STK38: variants seen among roughly 807,000 people sequenced by gnomAD.
STK38 encodes the protein serine/threonine kinase 38.
STK38 carries 26 observed loss-of-function variants against 59.0 expected under a neutral mutation model. The ratio of observed to expected loss-of-function variants is 0.44; its 90% CI spans 0.32 to 0.61. STK38 has a LOEUF of 0.61. STK38 is among the 20% of genes least tolerant of loss of function. The pLI, the probability that STK38 is intolerant of heterozygous loss-of-function variation, is 0.04. For synonymous variants in STK38, 175 were observed against 176.6 expected (o/e 0.99, Z 0.07); for missense variants, 433 against 566.0 (o/e 0.76, Z 2.38).
chr6:36,498,887 G>A (rs188242134), intron 10 of STK38, among the ~76,000 whole-genome samples: 216 of 152,068 alleles, frequency 1.4e-3, no homozygotes, highest in African/African-American at 4.9e-3. Context: ...CACTGTGCCC[G>A]GCCTGATTCT....
chr6:36,527,509 C>T (rs1407737019), intron 2 of STK38, among the ~76,000 whole-genome samples: 1 of 151,196 alleles, frequency 6.6e-6, no homozygotes, highest in East Asian at 1.9e-4. Context: ...GGCGAGAGCA[C>T]ACCAGTGCAC....
intron 1 of STK38, among the ~76,000 whole-genome samples, chr6:36,545,980 C>A (rs571735731): frequency 9.2e-5 from 14 of 152,204 alleles, no homozygotes; most frequent in African/African-American, 3.4e-4. Context: ...TATAAACAAC[C>A]CTCTCTCAAC....
At chr6:36,532,841 G>A (rs1410711797) in intron 2 of STK38, among the ~76,000 whole-genome samples, 1 of 152,084 alleles carries the variant, frequency 6.6e-6, no homozygotes, top group African/African-American at 2.4e-5. Context: ...AGCAACTGCA[G>A]TGAGCCGAGA....
intron 7 of STK38, 84 bp downstream of exon 7, chr6:36,515,254 G>A (rs1777221041): frequency 1.3e-6 from 2 of 1,485,398 alleles, no homozygotes; most frequent in African/African-American, 2.9e-5. Context: ...CGCCCACTGG[G>A]ATGACCACAG....
chr6:36,511,832 G>A (rs1408107503), intron 7 of STK38, among the ~76,000 whole-genome samples: 2 of 151,812 alleles, frequency 1.3e-5, no homozygotes, highest in African/African-American at 4.8e-5. Context: ...GCCGAGGCAG[G>A]TGGATCACCT....
At chr6:36,535,264 C>A (rs1166956136) in intron 2 of STK38, among the ~76,000 whole-genome samples, 1 of 152,064 alleles carries the variant, frequency 6.6e-6, no homozygotes, top group Non-Finnish European at 1.5e-5. Flanking sequence ...GCCTGCCCAA[C>A]ATGGTGAAAC....
chr6:36,515,559 A>C, intron 6 of STK38, 67 bp from the exon 7 acceptor site: 1 of 1,544,496 alleles, frequency 6.5e-7, no homozygotes. Context: ...CACACACAAC[A>C]TACGAGTGAG....
At chr6:36,525,519 G>T in intron 3 of STK38, 72 bp downstream of exon 3, 1 of 1,415,932 alleles carries the variant, frequency 7.1e-7, no homozygotes, top group Non-Finnish European at 9.9e-7. Flanking sequence ...GTGTACCAAG[G>T]CTAACAACTC....
Position 36,527,207 on chromosome 6 carries a change from A to AAAAT in STK38, c.132-1566_132-1565insATTT, listed in dbSNP as rs60162863. ...ACTCCGTCTCAAAAAAAAAAAAAAAAATATATGTATATATATATATATTTA... is the reference window on the plus strand; with the variant it reads ...ACTCCGTCTCAAAAAAAAAAAAAAAAAAATATATATGTATATATATATATATTTA... On this transcript the variant is annotated intron_variant, in intron 2 of 13. Coordinates refer to ENST00000229812, the MANE Select transcript of STK38 (RefSeq NM_007271.4). 2.7e-3 allele frequency among the ~76,000 whole-genome samples: 321 copies of AAAAT among 119,340 alleles called. 8 individuals are homozygous for AAAAT. The highest frequency in any genetic ancestry group is 9.8e-3 in the African/African-American group (281 of 28,580). 78.3% of individuals were successfully genotyped at this position (119,340 alleles called of 152,430 possible). A position where few individuals can be genotyped will look rare whatever the true frequency, so the allele number is the denominator to read the frequency against.
chr6:36,521,725 G>A lies in STK38; in HGVS notation c.390+9C>T. ...ATAAGCTAAAAGCACTGCTACAACT[G>A]TGCTTTACCTGCTCTTTTTCAAGCA... is the stretch of plus-strand genomic sequence containing the variant. On this transcript the variant is annotated intron_variant, in intron 5 of 13. Coordinates refer to ENST00000229812, the MANE Select transcript of STK38 (RefSeq NM_007271.4). 1.2e-6 allele frequency: 2 copies of A among 1,604,448 alleles called. No homozygotes were observed. The highest frequency in any genetic ancestry group is 2.3e-5 in the East Asian group (1 of 44,382).
At chr6:36,528,776 T>C (rs976205781) in intron 2 of STK38, among the ~76,000 whole-genome samples, 1 of 152,202 alleles carries the variant, frequency 6.6e-6, no homozygotes, top group Non-Finnish European at 1.5e-5. Flanking sequence ...CTAAACACCA[T>C]CATACGTCCT....
rs1414330921 is a variant in STK38 at position 36,494,780 on chromosome 6, A to G, written c.*1004T>C. The G allele has an allele frequency of 6.6e-6, 1 of 152,518 alleles. No individual in the cohort carries two copies. The highest frequency in any genetic ancestry group is 1.5e-5 in the Non-Finnish European group (1 of 68,074). The allele number at this position is 152,518 out of a possible 1,614,324, so 9.4% of individuals were successfully genotyped here. A position where few individuals can be genotyped will look rare whatever the true frequency, so the allele number is the denominator to read the frequency against. On this transcript the variant is annotated 3_prime_UTR_variant, in exon 14 of 14. Coordinates refer to ENST00000229812, the MANE Select transcript of STK38 (RefSeq NM_007271.4). Reference sequence around the variant, plus strand: ...ACAAGGACTTGTCAGCTGGCTCTGTACTTCTATTGGGCTGGTTCCTTCACC... The same window carrying G: ...ACAAGGACTTGTCAGCTGGCTCTGTGCTTCTATTGGGCTGGTTCCTTCACC...
intron 2 of STK38, among the ~76,000 whole-genome samples, chr6:36,538,527 A>C (rs1170615261): frequency 6.6e-6 from 1 of 152,212 alleles, no homozygotes; most frequent in Non-Finnish European, 1.5e-5. Flanking sequence ...AAAAAGTATA[A>C]ATACTGAATT....
In STK38 at chr6:36,515,329, C is replaced by T. The variant is rs1264372227; in HGVS notation, c.669+9G>A. The T allele has an allele frequency of 6.2e-7, 1 of 1,613,638 alleles. No homozygotes were observed. The highest frequency in any genetic ancestry group is 8.5e-7 in the Non-Finnish European group (1 of 1,179,772). On this transcript the variant is annotated intron_variant, in intron 7 of 13. Coordinates refer to ENST00000229812, the MANE Select transcript of STK38 (RefSeq NM_007271.4). Reference sequence around the variant, plus strand: ...ACGTGCATAGTTCATGCCAATGCCCCCCCAATACCTTGCTGTCCAAAAGAA... The same window carrying T: ...ACGTGCATAGTTCATGCCAATGCCCTCCCAATACCTTGCTGTCCAAAAGAA...
intron 1 of STK38, 60 bp from the exon 2 acceptor site, chr6:36,540,267 T>C (rs901226428): frequency 1.3e-6 from 2 of 1,539,476 alleles, no homozygotes; most frequent in African/African-American, 1.4e-5. Flanking sequence ...CAGTGTGCAC[T>C]CTCCTACCCT....
Position 36,495,827 on chromosome 6 carries a change from G to C in STK38, c.1355C>G (p.Thr452Ser). The C allele has an allele frequency of 3.1e-6, 5 of 1,614,092 alleles. No homozygotes were observed. Among genetic ancestry groups the C allele is most frequent in the Non-Finnish European group, 4.2e-6 (5 of 1,179,988 alleles). ...GTAGGAAGGTATTGCCCCCCTTGCA[G>C]TCAGGCCCTCAAAGCGCTTGTACGT... ...NYTYKRFEGL[T>S]ARGAIPSYMK... The change falls in exon 14 of 14, where the codon ACT becomes AGT. Residue 452 changes from threonine to serine, a missense_variant. Thr to Ser is a moderately conservative substitution (Grantham distance 58). Around this residue, in one of 3 missense-constraint regions of STK38, gnomAD observed 136 missense variants for 156.7 expected, o/e 0.87. Transcript: ENST00000229812.
intron 7 of STK38, among the ~76,000 whole-genome samples, chr6:36,513,926 C>T (rs553166183): frequency 6.8e-6 from 1 of 146,780 alleles, no homozygotes; most frequent in Admixed American, 6.8e-5. Context: ...GAGGCCAAGG[C>T]GGGCAGATCA....
In STK38 at chr6:36,495,628, T is replaced by C. The variant is rs549040340; in HGVS notation, c.*156A>G. Reference sequence around the variant, plus strand: ...TGTTTACAGTTTTTCAGATGCATTATGGAAGAAAATCCTCTTACTACCACA... The same window carrying C: ...TGTTTACAGTTTTTCAGATGCATTACGGAAGAAAATCCTCTTACTACCACA... On this transcript the variant is annotated 3_prime_UTR_variant, in exon 14 of 14. Coordinates refer to ENST00000229812, the MANE Select transcript of STK38 (RefSeq NM_007271.4). The C allele has an allele frequency of 7.6e-6, 7 of 926,134 alleles. No homozygotes were observed. Among genetic ancestry groups the C allele is most frequent in the Middle Eastern group, 4.8e-4 (2 of 4,172 alleles). 57.4% of individuals were successfully genotyped at this position (926,134 alleles called of 1,614,324 possible).
rs570928951 is a variant in STK38 at position 36,518,031 on chromosome 6, A to G, written c.391-191T>C. Among the ~76,000 whole-genome samples, 4 of 152,358 alleles carry G rather than the reference A, an allele frequency of 2.6e-5. No homozygotes were observed. In the South Asian group the frequency reaches 8.3e-4, roughly 32 times the overall value. On this transcript the variant is annotated intron_variant, in intron 5 of 13. Transcript: ENST00000229812. ...GACAACATTTGACTTCAAGGTATTC[A>G]GTGATGAAAACTTGAGTGATGAAAG...
Sources: gnomAD v4.1 joint callset for allele counts (sites outside exome capture counted in the v4.1 genomes callset) on GRCh38, gnomAD v4.1.1 for gene constraint, gnomAD v4.1.1 regional missense constraint, MANE v1.5 for transcripts, NCBI Gene and HGNC (gene_info 2026-07-23, HGNC 2026-07-21) for gene names.